VOPP1: variants seen among roughly 807,000 people sequenced by gnomAD.
The protein encoded by VOPP1 is VOPP1 WW domain binding protein.
Under a neutral mutation model 23.5 loss-of-function variants are expected in VOPP1, and 8 were observed. The observed-to-expected ratio is 0.34, with a 90% confidence interval of 0.20 to 0.61. VOPP1 has a LOEUF of 0.61. Among genes scored for constraint, VOPP1 ranks in the 20% least tolerant of loss-of-function variants. VOPP1 has a pLI of 0.78. For missense variants in VOPP1, 174 were observed against 238.1 expected (o/e 0.73, Z 1.77); for synonymous variants, 83 against 97.3 (o/e 0.85, Z 0.86).
intron 1 of VOPP1, among the ~76,000 whole-genome samples, chr7:55,530,036 C>A (rs1031705208): frequency 3.3e-5 from 5 of 152,146 alleles, no homozygotes; most frequent in African/African-American, 1.2e-4. Flanking sequence ...CAGGTCCTTG[C>A]ATGGACAGAT....
intron 4 of VOPP1, among the ~76,000 whole-genome samples, chr7:55,450,594 TTAAAA>T (rs1791219376): frequency 6.6e-6 from 1 of 152,238 alleles, no homozygotes; most frequent in Admixed American, 6.5e-5. Flanking sequence ...CTGAATATCA[TTAAAA>T]TAATTTTTTT....
At chr7:55,552,508 A>C in intron 1 of VOPP1, 1 of 1,341,340 alleles carries the variant, frequency 7.5e-7, no homozygotes, top group Non-Finnish European at 1.0e-6. Flanking sequence ...CACAGGATGG[A>C]TCTCCATGCT....
intron 1 of VOPP1, among the ~76,000 whole-genome samples, chr7:55,538,268 G>A (rs1189571895): frequency 6.6e-6 from 1 of 152,230 alleles, no homozygotes; most frequent in African/African-American, 2.4e-5. Flanking sequence ...TCCGCACTTA[G>A]GAACTCTCTT....
At chr7:55,458,917 A>T (rs1315058655) in intron 4 of VOPP1, among the ~76,000 whole-genome samples, 1 of 152,122 alleles carries the variant, frequency 6.6e-6, no homozygotes, top group East Asian at 1.9e-4. Flanking sequence ...TGCTATGTTG[A>T]ATAAGAGTGG....
At chr7:55,497,508 C>T (rs940169876) in intron 3 of VOPP1, 105 bp downstream of exon 3, 2 of 1,083,298 alleles carry the variant, frequency 1.8e-6, no homozygotes. Context: ...TCCTTGAGGC[C>T]ACCACCCAAG....
intron 1 of VOPP1, among the ~76,000 whole-genome samples, chr7:55,524,819 C>G (rs971051330): frequency 1.3e-5 from 2 of 152,058 alleles, no homozygotes; most frequent in African/African-American, 4.8e-5. Flanking sequence ...CCGGGTGCTG[C>G]CAAGTCGAAG....
At chr7:55,518,332 G>A (rs1162898225) in intron 2 of VOPP1, among the ~76,000 whole-genome samples, 1 of 152,290 alleles carries the variant, frequency 6.6e-6, no homozygotes, top group East Asian at 1.9e-4. Context: ...TCTGTTCTTT[G>A]AATTTCACCT....
chr7:55,524,363 A>G (rs1335258054), intron 1 of VOPP1, among the ~76,000 whole-genome samples: 1 of 152,250 alleles, frequency 6.6e-6, no homozygotes, highest in Non-Finnish European at 1.5e-5. Context: ...ACCTTTAAAC[A>G]GAGTTACCTT....
intron 1 of VOPP1, among the ~76,000 whole-genome samples, chr7:55,549,744 C>G (rs1485965447): frequency 6.6e-6 from 1 of 152,218 alleles, no homozygotes; most frequent in Non-Finnish European, 1.5e-5. Flanking sequence ...ACAGTACGTT[C>G]TAGGCACACA....
chr7:55,478,988 G>T (rs1025816704), intron 4 of VOPP1, among the ~76,000 whole-genome samples: 2 of 152,148 alleles, frequency 1.3e-5, no homozygotes, highest in Non-Finnish European at 2.9e-5. Flanking sequence ...GAAGGAGCCC[G>T]GCCCGAGGAT....
chr7:55,464,750 G>A lies in VOPP1; in HGVS notation n.417+27532C>T, dbSNP rs73346467. ...GGAGATACAGAGGCTGTTGAGTCCC[G>A]GGGAAGGATGTAGTCTGGTGGAGGC... is the stretch of plus-strand genomic sequence containing the variant. On this transcript the variant is annotated intron_variant and non_coding_transcript_variant, in intron 4 of 4. Coordinates refer to the VOPP1 transcript ENST00000462326. Among the ~76,000 whole-genome samples, 781 of 152,266 alleles carry A rather than the reference G, an allele frequency of 5.1e-3. 5 individuals carry two copies. The highest frequency in any genetic ancestry group is 0.017 in the African/African-American group (706 of 41,532).
downstream of VOPP1, among the ~76,000 whole-genome samples, chr7:55,435,402 C>T (rs985130379): frequency 2.6e-5 from 4 of 152,108 alleles, no homozygotes; most frequent in Non-Finnish European, 5.9e-5. Flanking sequence ...CAGGAGGTGC[C>T]GTCGCATTTA....
intron 4 of VOPP1, among the ~76,000 whole-genome samples, chr7:55,473,998 C>T (rs969417155): frequency 2.4e-4 from 36 of 152,304 alleles, no homozygotes; most frequent in African/African-American, 8.2e-4. Context: ...CACAAGATGT[C>T]CCAAAGCCCA....
rs755422236 is a variant in VOPP1 at position 55,472,847 on chromosome 7, G to C, written c.*8C>G. On this transcript the variant is annotated 3_prime_UTR_variant, in exon 5 of 5. Transcript: ENST00000285279. Reference sequence around the variant, plus strand: ...CTCCTGTCTCTCCTCTTGCACGTGGGCACCCCACTACTTGGCCTTCACTAC... The same window carrying C: ...CTCCTGTCTCTCCTCTTGCACGTGGCCACCCCACTACTTGGCCTTCACTAC... 2.6e-6 allele frequency: 3 copies of C among 1,165,538 alleles called. No individual in the cohort carries two copies. The African/African-American group carries it at 5.1e-5, about 20-fold the overall frequency. 72.2% of individuals were successfully genotyped at this position (1,165,538 alleles called of 1,614,324 possible).
chr7:55,561,847 C>A, intron 1 of VOPP1: 1 of 620,890 alleles, frequency 1.6e-6, no homozygotes, highest in South Asian at 1.6e-5. Context: ...GGGGACTTAA[C>A]TCATACCCAA....
At chr7:55,493,005 AG>A (rs1793692464) in intron 3 of VOPP1, 2 of 152,292 alleles carry the variant, frequency 1.3e-5, no homozygotes, top group Non-Finnish European at 2.9e-5. Context: ...CAATGAAAAT[AG>A]AATCAAGAGA....
chr7:55,483,529 C>T (rs1792899022), intron 4 of VOPP1, among the ~76,000 whole-genome samples: 1 of 152,190 alleles, frequency 6.6e-6, no homozygotes, highest in South Asian at 2.1e-4. Context: ...ATGCCCCACC[C>T]TGGCCAAATA....
chr7:55,491,683 A>G (rs1793579616), intron 4 of VOPP1, among the ~76,000 whole-genome samples: 1 of 152,218 alleles, frequency 6.6e-6, no homozygotes, highest in African/African-American at 2.4e-5. Context: ...AGAATTAAGA[A>G]ACAGCTAATT....
At chr7:55,520,965 TG>T in intron 2 of VOPP1, 106 bp downstream of exon 2, 1 of 1,215,616 alleles carries the variant, frequency 8.2e-7, no homozygotes, top group Middle Eastern at 1.9e-4. Context: ...CAGCAGAGGC[TG>T]GGCCACGCCG....
Sources: allele counts gnomAD v4.1 joint callset (sites outside exome capture counted in the v4.1 genomes callset), GRCh38; gene constraint gnomAD v4.1.1; transcripts MANE v1.5; gene names NCBI Gene and HGNC (gene_info 2026-07-23, HGNC 2026-07-21).